The following MYOM1 variants were observed in gnomAD, a reference collection of about 807,000 sequenced individuals.
MYOM1 encodes myomesin-1.
MYOM1 carries 164 observed loss-of-function variants against 205.3 expected under a neutral mutation model. That is an observed-to-expected ratio of 0.80 (90% CI 0.70 to 0.91). The LOEUF (loss-of-function observed/expected upper bound fraction) is 0.91, where lower values mean the gene tolerates loss of function less well. Ranked by LOEUF, MYOM1 falls within the 40% of genes least tolerant of loss-of-function variation. The probability of loss-of-function intolerance (pLI) is 0.00; values close to 1 mark genes in which losing one functional copy is unlikely to be tolerated. For missense variants in MYOM1, 2,011 were observed against 2,127.3 expected (o/e 0.95, Z 1.08); for synonymous variants, 772 against 789.4 (o/e 0.98, Z 0.37).
intron 36 of MYOM1, among the ~76,000 whole-genome samples, chr18:3,074,218 C>T (rs1186300789): frequency 1.3e-5 from 2 of 152,192 alleles, no homozygotes; most frequent in African/African-American, 2.4e-5. Flanking sequence ...CCCTTGACCT[C>T]TGGTGCCCCA....
At chr18:3,071,797 T>G (rs1175734265) in intron 37 of MYOM1, 37 bp downstream of exon 37, 17 of 1,574,188 alleles carry the variant, frequency 1.1e-5, no homozygotes, top group Non-Finnish European at 1.5e-5. Flanking sequence ...CTGTTCATAG[T>G]GCAGAAGGAG....
chr18:3,085,987 G>T, intron 30 of MYOM1, 51 bp downstream of exon 30: 1 of 1,178,570 alleles, frequency 8.5e-7, no homozygotes. Context: ...TTTGGGGTAA[G>T]ATAGAGGGTA....
chr18:3,083,473 G>A (rs374555637), intron 33 of MYOM1, among the ~76,000 whole-genome samples: 22 of 123,238 alleles, frequency 1.8e-4, no homozygotes, highest in African/African-American at 6.6e-4. Flanking sequence ...CTGACACCCA[G>A]GCTGAAGTAC....
intron 10 of MYOM1, among the ~76,000 whole-genome samples, chr18:3,155,996 C>T (rs1332097677): frequency 6.6e-6 from 1 of 152,224 alleles, no homozygotes; most frequent in Non-Finnish European, 1.5e-5. Context: ...CGGGATAATA[C>T]AGGAAACACT....
At chr18:3,091,275 C>T (rs2079222530) in intron 26 of MYOM1, among the ~76,000 whole-genome samples, 1 of 151,890 alleles carries the variant, frequency 6.6e-6, no homozygotes, top group South Asian at 2.1e-4. Context: ...GAGATCGCAC[C>T]ATTGCACTCC....
At chr18:3,157,013 C>A (rs1010509691) in intron 10 of MYOM1, among the ~76,000 whole-genome samples, 6 of 152,158 alleles carry the variant, frequency 3.9e-5, no homozygotes, top group African/African-American at 1.4e-4. Context: ...GATGCTGAGG[C>A]TGACATGCTT....
At chr18:3,210,085 T>C (rs1382708414) in intron 2 of MYOM1, among the ~76,000 whole-genome samples, 5 of 152,242 alleles carry the variant, frequency 3.3e-5, no homozygotes, top group Non-Finnish European at 4.4e-5. Context: ...ACAGTCATTT[T>C]CCTCATTTTA....
chr18:3,171,677 G>A (rs1419215549), intron 8 of MYOM1, among the ~76,000 whole-genome samples: 1 of 151,996 alleles, frequency 6.6e-6, no homozygotes, highest in South Asian at 2.1e-4. Context: ...AATGGTTTTT[G>A]CATGTTTTAG....
intron 19 of MYOM1, 60 bp downstream of exon 19, chr18:3,126,641 G>A: frequency 6.8e-7 from 1 of 1,469,596 alleles, no homozygotes; most frequent in Non-Finnish European, 9.3e-7. Flanking sequence ...TGCCTGCCTG[G>A]GCGTGCAAGC....
At position 3,214,812 on chromosome 18, in the gene MYOM1, G is replaced by C. The variant is rs922285783; in HGVS notation, c.290+122C>G. 7 of 1,122,494 alleles carry C rather than the reference G, an allele frequency of 6.2e-6. No individual in the cohort carries two copies. In the Admixed American group the frequency reaches 1.2e-4, roughly 18 times the overall value. 69.5% of individuals were successfully genotyped at this position (1,122,494 alleles called of 1,614,324 possible). On this transcript the variant is annotated intron_variant, in intron 2 of 37. Coordinates refer to ENST00000356443, the MANE Select transcript of MYOM1 (RefSeq NM_003803.4). ...TTGCACTCCAGCCTGGGCAACAAGA[G>C]CGAAACTCTGTCTCAAAAAACCAAA...
chr18:3,176,072 C>A lies in MYOM1; in HGVS notation c.992G>T (p.Arg331Leu), dbSNP rs199610460. Residue 331 changes from arginine (R) to leucine (L), a missense_variant, in exon 6 of 38, where the codon CGA (arginine) becomes CTA (leucine). Transcript: ENST00000356443. Reference sequence around the variant, plus strand: ...AATCTCCAGAGTGTGCATCCCATATCGACTCTCAATAATATACTTTCCAGG... The same window carrying A: ...AATCTCCAGAGTGTGCATCCCATATAGACTCTCAATAATATACTTTCCAGG... ...ANPGKYIIES[R>L]YGMHTLEING... The A allele has an allele frequency of 6.2e-7, 1 of 1,605,406 alleles. No homozygotes were observed. The highest frequency in any genetic ancestry group is 1.7e-5 in the Admixed American group (1 of 59,988).
the MYOM1 span, among the ~76,000 whole-genome samples, chr18:3,231,920 ATTCT>A: frequency 7.4e-5 from 11 of 148,690 alleles, no homozygotes; most frequent in Middle Eastern, 3.3e-3. Flanking sequence ...AAAATAAAAT[ATTCT>A]TTCTATTAAA....
In MYOM1 at chr18:3,114,544, A is replaced by ATTTTTTTTT. The variant is rs5822738; in HGVS notation, c.3303+1778_3303+1786dup. Among the ~76,000 whole-genome samples, 23 of 88,342 alleles carry ATTTTTTTTT rather than the reference A, an allele frequency of 2.6e-4. 1 individual carries two copies. Among genetic ancestry groups the ATTTTTTTTT allele is most frequent in the Middle Eastern group, 6.8e-3 (1 of 146 alleles). 58.0% of individuals were successfully genotyped at this position (88,342 alleles called of 152,430 possible). A position where few individuals can be genotyped will look rare whatever the true frequency, so the allele number is the denominator to read the frequency against. On this transcript the variant is annotated intron_variant, in intron 21 of 37. Transcript: ENST00000356443. ...AGGCACATGCCACCATGGTCAGCTA[A>ATTTTTTTTT]TTTTTTTTTTTTTTTTTTTTTTTTT... is the stretch of plus-strand genomic sequence containing the variant.
At chr18:3,115,654 A>T (rs752565314) in intron 21 of MYOM1, among the ~76,000 whole-genome samples, 5 of 152,214 alleles carry the variant, frequency 3.3e-5, no homozygotes, top group Admixed American at 6.5e-5. Flanking sequence ...CAGGGTCTCC[A>T]GGTGCCACTG....
chr18:3,197,536 T>A (rs920753240), intron 2 of MYOM1, among the ~76,000 whole-genome samples: 4 of 152,066 alleles, frequency 2.6e-5, no homozygotes, highest in African/African-American at 9.7e-5. Flanking sequence ...AAACATTCAA[T>A]CAATAGAAAA....
chr18:3,071,730 G>T, intron 37 of MYOM1, 104 bp downstream of exon 37: 1 of 1,086,630 alleles, frequency 9.2e-7, no homozygotes, highest in South Asian at 1.4e-5. Context: ...GTACGATGAA[G>T]GTGGTGGGCT....
chr18:3,093,301 T>G (rs2079252370), intron 26 of MYOM1, among the ~76,000 whole-genome samples: 1 of 152,126 alleles, frequency 6.6e-6, no homozygotes, highest in Non-Finnish European at 1.5e-5. Context: ...ATAGCACAGG[T>G]CAGTGCCCCT....
At chr18:3,146,561 C>A (rs1388404283) in intron 13 of MYOM1, among the ~76,000 whole-genome samples, 1 of 151,970 alleles carries the variant, frequency 6.6e-6, no homozygotes. Context: ...TTGACAAAAT[C>A]CAACACTTTT....
intron 2 of MYOM1, among the ~76,000 whole-genome samples, chr18:3,198,647 G>A (rs1381947988): frequency 1.3e-5 from 2 of 152,098 alleles, no homozygotes; most frequent in Non-Finnish European, 2.9e-5. Context: ...AGCTGGGCGT[G>A]GTGGCGGGCG....
Sources: allele counts gnomAD v4.1 joint callset (sites outside exome capture counted in the v4.1 genomes callset), GRCh38; gene constraint gnomAD v4.1.1; transcripts MANE v1.5; gene names NCBI Gene and HGNC (gene_info 2026-07-23, HGNC 2026-07-21).